ANK3: variants seen among roughly 807,000 people sequenced by gnomAD.
ANK3 encodes ankyrin 3.
Under a neutral mutation model 370.9 loss-of-function variants are expected in ANK3, and 57 were observed. The observed-to-expected ratio is 0.15, with a 90% CI of 0.12 to 0.19. The LOEUF is 0.19. Ranked by LOEUF, ANK3 falls within the 10% of genes least tolerant of loss-of-function variation. The probability of loss-of-function intolerance (pLI) is 1.00; values close to 1 mark genes in which losing one functional copy is unlikely to be tolerated. For synonymous variants in ANK3, 1,929 were observed against 1,946.3 expected, an observed-to-expected ratio of 0.99 and a Z score of 0.23; for missense variants, 4,439 against 5,302.1, an observed-to-expected ratio of 0.84 and a Z score of 5.06.
In ANK3 at chr10:60,193,091, A is replaced by G. The variant is rs546111881; in HGVS notation, c.1887+3054T>C. ...GCCCTGAAGACAGGGATTATTGGAC[A>G]TGTGCCAGAGATGGCATTACCCAGG... On this transcript the variant is annotated intron_variant, in intron 16 of 43. Transcript: ENST00000280772. Among the ~76,000 whole-genome samples, 25 of 152,324 alleles carry G rather than the reference A, an allele frequency of 1.6e-4. No homozygotes were observed. In the East Asian group the frequency reaches 4.4e-3, roughly 27 times the overall value.
chr10:60,455,210 T>G (rs1034506816), intron 2 of ANK3, among the ~76,000 whole-genome samples: 1 of 152,220 alleles, frequency 6.6e-6, no homozygotes, highest in Non-Finnish European at 1.5e-5. Context: ...ATAATAAGGT[T>G]GCTTTTAATT....
intron 1 of ANK3, among the ~76,000 whole-genome samples, chr10:60,368,022 C>A (rs779578020): frequency 3.3e-5 from 5 of 152,094 alleles, no homozygotes; most frequent in Non-Finnish European, 5.9e-5. Context: ...GAATAAATTA[C>A]AACAGCAGTG....
At chr10:60,605,220 T>G (rs778309981) in intron 2 of ANK3, among the ~76,000 whole-genome samples, 13 of 152,106 alleles carry the variant, frequency 8.5e-5, no homozygotes, top group Non-Finnish European at 1.5e-4. Flanking sequence ...GTCTCTCTCC[T>G]TTTAGGTTCT....
intron 1 of ANK3, among the ~76,000 whole-genome samples, chr10:60,320,634 C>T (rs918781350): frequency 2.0e-5 from 3 of 151,790 alleles, no homozygotes; most frequent in East Asian, 1.9e-4. Context: ...TTTGAAGGCT[C>T]GCTGTGTGCA....
chr10:60,046,078 A>G (rs917864483), intron 42 of ANK3, among the ~76,000 whole-genome samples: 1 of 152,220 alleles, frequency 6.6e-6, no homozygotes, highest in Non-Finnish European at 1.5e-5. Flanking sequence ...TGCATCTCCA[A>G]TCTTGCTTAT....
intron 2 of ANK3, among the ~76,000 whole-genome samples, chr10:60,514,567 T>G (rs1817241442): frequency 6.6e-6 from 1 of 152,148 alleles, no homozygotes; most frequent in South Asian, 2.1e-4. Context: ...TCAAATAAGC[T>G]CTTTTCTATT....
chr10:60,284,748 C>A (rs966123648), intron 1 of ANK3, among the ~76,000 whole-genome samples: 1 of 151,900 alleles, frequency 6.6e-6, no homozygotes, highest in Admixed American at 6.6e-5. Context: ...GACTGGAGAC[C>A]CAGTGAGTAC....
intron 2 of ANK3, among the ~76,000 whole-genome samples, chr10:60,485,769 C>T (rs1342203066): frequency 6.6e-6 from 1 of 152,120 alleles, no homozygotes; most frequent in Admixed American, 6.5e-5. Flanking sequence ...GTTGTATTTG[C>T]TGGGACAACA....
At chr10:60,458,752 C>A (rs1019777067) in intron 2 of ANK3, among the ~76,000 whole-genome samples, 1 of 152,108 alleles carries the variant, frequency 6.6e-6, no homozygotes, top group African/African-American at 2.4e-5. Context: ...AAGTTATTAA[C>A]ATCAGCCAGA....
intron 34 of ANK3, 54 bp downstream of exon 34, chr10:60,082,561 G>T: frequency 1.3e-6 from 2 of 1,590,768 alleles, no homozygotes. Context: ...GCATACCAAA[G>T]GCCCACTTCT....
intron 1 of ANK3, among the ~76,000 whole-genome samples, chr10:60,345,620 G>C (rs570728879): frequency 6.6e-6 from 1 of 152,238 alleles, no homozygotes; most frequent in South Asian, 2.1e-4. Flanking sequence ...AGAAAGTAAA[G>C]AAGATAAGAC....
intron 2 of ANK3, among the ~76,000 whole-genome samples, chr10:60,516,063 G>C (rs1228046904): frequency 6.6e-6 from 1 of 151,922 alleles, no homozygotes; most frequent in African/African-American, 2.4e-5. Context: ...GTAATAAATA[G>C]GGAATTGTGA....
chr10:60,544,296 G>A (rs959695408), intron 2 of ANK3, among the ~76,000 whole-genome samples: 4 of 152,094 alleles, frequency 2.6e-5, no homozygotes, highest in African/African-American at 9.7e-5. Flanking sequence ...CAGACTATCT[G>A]ATGTTGATGC....
intron 1 of ANK3, among the ~76,000 whole-genome samples, chr10:60,679,507 C>G (rs1224228923): frequency 6.6e-6 from 1 of 152,046 alleles, no homozygotes; most frequent in Non-Finnish European, 1.5e-5. Flanking sequence ...GGCAAAATGG[C>G]AGTTTAACCA....
chr10:60,594,157 T>C (rs1009061500), intron 2 of ANK3, among the ~76,000 whole-genome samples: 1 of 152,180 alleles, frequency 6.6e-6, no homozygotes, highest in African/African-American at 2.4e-5. Context: ...TCAGTTTCTC[T>C]TCCTCTTCTC....
At chr10:60,215,431 C>A (rs1022999990) in intron 8 of ANK3, among the ~76,000 whole-genome samples, 39 of 152,048 alleles carry the variant, frequency 2.6e-4, no homozygotes, top group African/African-American at 9.4e-4. Context: ...GAAATCTTTG[C>A]CCATGCCTAC....
At chr10:60,283,015 A>G (rs1313096536) in intron 1 of ANK3, among the ~76,000 whole-genome samples, 1 of 152,186 alleles carries the variant, frequency 6.6e-6, no homozygotes, top group Non-Finnish European at 1.5e-5. Context: ...TTGAATGTCT[A>G]CTATGTGTTA....
intron 1 of ANK3, among the ~76,000 whole-genome samples, chr10:60,649,754 T>C (rs1036878413): frequency 1.3e-5 from 2 of 152,220 alleles, no homozygotes; most frequent in Non-Finnish European, 2.9e-5. Flanking sequence ...TTTTATGCTC[T>C]TGTATGTTTT....
intron 1 of ANK3, among the ~76,000 whole-genome samples, chr10:60,723,107 C>T (rs886739465): frequency 6.6e-6 from 1 of 152,160 alleles, no homozygotes; most frequent in Non-Finnish European, 1.5e-5. Context: ...TCACATAGTA[C>T]TAAGCAATTT....
Sources: allele counts gnomAD v4.1 joint callset (sites outside exome capture counted in the v4.1 genomes callset), GRCh38; gene constraint gnomAD v4.1.1; transcripts MANE v1.5; gene names NCBI Gene and HGNC (gene_info 2026-07-23, HGNC 2026-07-21).